The following MLPH variants were observed in gnomAD, a reference collection of about 807,000 sequenced individuals.
MLPH encodes exophilin-3.
Under a neutral mutation model 72.1 loss-of-function variants are expected in MLPH, and 51 were observed. The ratio of observed to expected loss-of-function variants is 0.71; its 90% confidence interval spans 0.56 to 0.89. The LOEUF (loss-of-function observed/expected upper bound fraction) is 0.89, where lower values mean the gene tolerates loss of function less well. Among genes scored for constraint, MLPH ranks in the 40% least tolerant of loss-of-function variants. The pLI is 0.00. For synonymous variants in MLPH, 301 were observed against 310.1 expected, an observed-to-expected ratio of 0.97 and a Z score of 0.31; for missense variants, 743 against 759.9, an observed-to-expected ratio of 0.98 and a Z score of 0.26.
rs1311645199 is a variant in MLPH at position 237,525,601 on chromosome 2, T to A, written c.676T>A (p.Ser226Thr). 2 of 1,614,070 alleles carry A rather than the reference T, an allele frequency of 1.2e-6. No individual in the cohort carries two copies. Among genetic ancestry groups the A allele is most frequent in the Middle Eastern group, 3.3e-4 (2 of 6,062 alleles). ...SVPEARDSPQ[S>T]LTDESCSEKA... ...GAGGCTGACAGCCCCATGTGCTTAG[T>A]CCCTCACAGATGAGTCCTGCTCAGA... Residue 226 changes from serine to threonine, a missense_variant and splice_region_variant, in exon 7 of 16, where the codon TCC (serine) becomes ACC (threonine). Transcript: ENST00000264605.
chr2:237,504,405 AT>A (rs1340613830), intron 2 of MLPH, among the ~76,000 whole-genome samples: 7 of 151,934 alleles, frequency 4.6e-5, no homozygotes, highest in African/African-American at 1.7e-4. Context: ...TTTAGTAGAG[AT>A]GGGGATTCAC....
At chr2:237,495,877 G>T (rs114074948) in intron 2 of MLPH, among the ~76,000 whole-genome samples, 4,071 of 152,226 alleles carry the variant, frequency 0.027, 148 homozygotes, top group African/African-American at 0.08. Flanking sequence ...CTGACACCCT[G>T]TCCCCTTTAC....
At chr2:237,498,249 A>G (rs938895152) in intron 2 of MLPH, among the ~76,000 whole-genome samples, 1 of 152,232 alleles carries the variant, frequency 6.6e-6, no homozygotes, top group Admixed American at 6.5e-5. Context: ...TATCAAACCA[A>G]AGAAAATGCA....
Position 237,525,677 on chromosome 2 carries a change from C to T in MLPH, c.752C>T (p.Ala251Val), listed in dbSNP as rs1208419154. 1 of 1,614,158 alleles carries T rather than the reference C, an allele frequency of 6.2e-7. No homozygotes were observed. The highest frequency in any genetic ancestry group is 1.7e-5 in the Admixed American group (1 of 60,032). ...GGCCTGGAGGAGGCTGATACTGGGG[C>T]CTCTGGGTGCCACTCCCATCCGGAA... ...AEGLEEADTGASGCHSHPEEQ... is the reference protein window; with the variant it reads ...AEGLEEADTGVSGCHSHPEEQ... The change falls in exon 7 of 16, where the codon GCC (alanine) becomes GTC (valine). Residue 251 changes from alanine to valine, a missense_variant. Ala to Val is a moderately conservative substitution (Grantham distance 64). Coordinates refer to ENST00000264605, the MANE Select transcript of MLPH (RefSeq NM_024101.7).
Position 237,540,429 on chromosome 2 carries a change from G to T in MLPH, c.1186G>T (p.Val396Phe). ...RRKLEELTSNVSDQETSSEEE... is the reference protein window; with the variant it reads ...RRKLEELTSNFSDQETSSEEE... ...GAAGCTGGAGGAGCTGACCAGCAAC[G>T]TCAGTGACCAGGAGACCTCGTCCGA... The change falls in exon 10 of 16, where the codon GTC becomes TTC. Residue 396 changes from valine to phenylalanine, a missense_variant. Coordinates refer to ENST00000264605, the MANE Select transcript of MLPH (RefSeq NM_024101.7). 6.2e-7 allele frequency: 1 copy of T among 1,612,914 alleles called. No homozygotes were observed. Among genetic ancestry groups the T allele is most frequent in the Non-Finnish European group, 8.5e-7 (1 of 1,179,360 alleles).
At chr2:237,513,584 C>T (rs1342071251) in intron 4 of MLPH, among the ~76,000 whole-genome samples, 2 of 152,010 alleles carry the variant, frequency 1.3e-5, no homozygotes, top group African/African-American at 4.8e-5. Flanking sequence ...TTTAGCATGA[C>T]TTGATCAGAT....
At chr2:237,532,448 C>T (rs2080440485) in intron 8 of MLPH, among the ~76,000 whole-genome samples, 1 of 152,218 alleles carries the variant, frequency 6.6e-6, no homozygotes, top group Non-Finnish European at 1.5e-5. Flanking sequence ...GAGGAAACGG[C>T]CCTGGCACGC....
In MLPH at chr2:237,538,274, G is replaced by C. The variant is rs374904366; in HGVS notation, c.1105-2074G>C. Among the ~76,000 whole-genome samples the C allele has an allele frequency of 7.9e-5, 12 of 152,324 alleles. No individual in the cohort carries two copies. The East Asian group carries it at 2.3e-3, about 29-fold the overall frequency. ...TGCTGAAGGGAACTCAGCATAGACA[G>C]GGTCACAGGGAAAAGGCCAATGATG... On this transcript the variant is annotated intron_variant, in intron 9 of 15. Transcript: ENST00000264605.
chr2:237,503,492 G>C (rs771409303), intron 2 of MLPH, among the ~76,000 whole-genome samples: 2 of 152,104 alleles, frequency 1.3e-5, no homozygotes, highest in African/African-American at 4.8e-5. Flanking sequence ...CTGGGTCCCC[G>C]GTGCTGCTCC....
chr2:237,532,235 T>C (rs2080434718), intron 8 of MLPH, among the ~76,000 whole-genome samples: 1 of 152,248 alleles, frequency 6.6e-6, no homozygotes, highest in South Asian at 2.1e-4. Flanking sequence ...CTGAGCTTTC[T>C]CAGGAATCGT....
At chr2:237,486,665 G>A (rs2079323688), upstream of MLPH, 1 of 152,286 alleles carries the variant, frequency 6.6e-6, no homozygotes, top group Non-Finnish European at 1.5e-5. Flanking sequence ...GCAAGGCCTC[G>A]GTCTCCTCCC....
intron 2 of MLPH, among the ~76,000 whole-genome samples, chr2:237,507,735 A>C (rs2079807355): frequency 6.6e-6 from 1 of 152,218 alleles, no homozygotes; most frequent in African/African-American, 2.4e-5. Context: ...TTTGTGCTTG[A>C]AAGCTTCCGT....
intron 1 of MLPH, among the ~76,000 whole-genome samples, chr2:237,489,570 A>G (rs748580321): frequency 2.2e-4 from 34 of 152,210 alleles, no homozygotes; most frequent in Non-Finnish European, 4.6e-4. Context: ...ACAAAGGATT[A>G]AGGCAGAGGG....
At chr2:237,495,966 C>T (rs1418589217) in intron 2 of MLPH, among the ~76,000 whole-genome samples, 1 of 152,246 alleles carries the variant, frequency 6.6e-6, no homozygotes, top group Non-Finnish European at 1.5e-5. Context: ...TTTCCACATT[C>T]TGAAGTCCCT....
chr2:237,504,032 A>G (rs1057087021), intron 2 of MLPH, among the ~76,000 whole-genome samples: 1 of 152,136 alleles, frequency 6.6e-6, no homozygotes, highest in African/African-American at 2.4e-5. Flanking sequence ...AGGGGCCAGG[A>G]GCCCACATAC....
rs540695985 is a variant in MLPH at position 237,500,806 on chromosome 2, G to T, written c.110+7270G>T. On this transcript the variant is annotated intron_variant, in intron 2 of 15. Transcript: ENST00000264605. ...CACCCCACACTCAGCCAGTCCCGTG[G>T]CTCAACCAATACAGCCACTGCTCAC... Among the ~76,000 whole-genome samples the T allele has an allele frequency of 3.4e-4, 52 of 151,992 alleles. 1 individual carries two copies. The South Asian group carries it at 0.01, about 30-fold the overall frequency.
intron 10 of MLPH, 117 bp downstream of exon 10, chr2:237,540,650 G>A (rs973508905): frequency 8.2e-5 from 123 of 1,492,642 alleles, no homozygotes; most frequent in Middle Eastern, 2.2e-4. Context: ...GCACACCAAG[G>A]GCCCTTGATG....
chr2:237,550,757 C>T (rs1477967897), intron 14 of MLPH, among the ~76,000 whole-genome samples: 1 of 152,154 alleles, frequency 6.6e-6, no homozygotes, highest in Non-Finnish European at 1.5e-5. Context: ...CCACGTTGGC[C>T]AGGCTGGTCT....
intron 9 of MLPH, among the ~76,000 whole-genome samples, chr2:237,535,126 C>T (rs865789029): frequency 2.6e-5 from 4 of 152,124 alleles, no homozygotes; most frequent in Non-Finnish European, 5.9e-5. Flanking sequence ...GTTCTGGAGA[C>T]TGGGAAGTCT....
Sources: gnomAD v4.1 joint callset for allele counts (sites outside exome capture counted in the v4.1 genomes callset) on GRCh38, gnomAD v4.1.1 for gene constraint, MANE v1.5 for transcripts, NCBI Gene and HGNC (gene_info 2026-07-23, HGNC 2026-07-21) for gene names.